CSMD2: variants seen among roughly 807,000 people sequenced by gnomAD.
CSMD2 encodes CUB and sushi domain-containing protein 2.
In CSMD2, 130 loss-of-function variants were observed where a neutral mutation model predicts 398.5. The ratio of observed to expected loss-of-function variants is 0.33; its 90% CI spans 0.28 to 0.38. The LOEUF (loss-of-function observed/expected upper bound fraction) is 0.38, where lower values mean the gene tolerates loss of function less well. Ranked by LOEUF, CSMD2 falls within the 10% of genes least tolerant of loss-of-function variation. CSMD2 has a pLI of 1.00. For missense variants in CSMD2, 3,829 were observed against 4,764.9 expected (o/e 0.80, Z 5.78); for synonymous variants, 1,828 against 1,908.5 (o/e 0.96, Z 1.10).
chr1:33,667,338 T>G (rs1429027171), intron 25 of CSMD2, among the ~76,000 whole-genome samples: 1 of 152,194 alleles, frequency 6.6e-6, no homozygotes, highest in African/African-American at 2.4e-5. Context: ...TATAAGGCAC[T>G]TTCACATTAG....
intron 9 of CSMD2, among the ~76,000 whole-genome samples, chr1:33,818,174 A>G (rs1657689646): frequency 6.6e-6 from 1 of 152,224 alleles, no homozygotes; most frequent in Non-Finnish European, 1.5e-5. Flanking sequence ...TTCTGAAACG[A>G]CAGATGGGCA....
intron 24 of CSMD2, 66 bp from the exon 25 acceptor site, chr1:33,693,122 C>T: frequency 6.6e-7 from 1 of 1,504,996 alleles, no homozygotes. Context: ...CACTCAGTGG[C>T]TCCTTTTGCC....
At chr1:33,716,655 A>C (rs1039556933) in intron 19 of CSMD2, among the ~76,000 whole-genome samples, 154 bp from the exon 20 acceptor site, 1 of 152,234 alleles carries the variant, frequency 6.6e-6, no homozygotes, top group South Asian at 2.1e-4. Flanking sequence ...GGTGAATCTG[A>C]ATGAAGGAAC....
chr1:33,700,495 C>A, intron 23 of CSMD2, 22 bp downstream of exon 23: 1 of 1,613,142 alleles, frequency 6.2e-7, no homozygotes, highest in South Asian at 1.1e-5. Flanking sequence ...TCCTTGTCCA[C>A]ACAGATGCAA....
intron 66 of CSMD2, 148 bp from the exon 67 acceptor site, chr1:33,523,567 T>G (rs988656248): frequency 1.7e-6 from 1 of 592,602 alleles, no homozygotes; most frequent in African/African-American, 1.9e-5. Flanking sequence ...AAGTCGTAAG[T>G]GTAGTGTTGA....
chr1:33,644,977 A>G (rs562429057), intron 29 of CSMD2, among the ~76,000 whole-genome samples: 53 of 152,302 alleles, frequency 3.5e-4, no homozygotes, highest in African/African-American at 1.3e-3. Context: ...GTACCCGACA[A>G]ACAGGAGATA....
At position 33,918,107 on chromosome 1, in the gene CSMD2, CT is replaced by C. The variant is rs1250203069; in HGVS notation, c.906del (p.Gly303AlafsTer49). On this transcript the variant is annotated frameshift_variant, in exon 5 of 71. Coordinates refer to ENST00000373381, the MANE Select transcript of CSMD2 (RefSeq NM_001281956.2). LOFTEE classifies it high-confidence loss of function. Reference protein sequence around the residue: ...GYDFLEVTGTEGSSLWFTGAS... With the variant: ...GYDFLEVTGTXGSSLWFTGAS... ...TGTTGTGCTTACCAGAGGGAGGAGC[CT>C]TCTGTCCCAGTGACTTCCAGAAAGT... The C allele has an allele frequency of 2.5e-6, 4 of 1,613,820 alleles. No homozygotes were observed. Among genetic ancestry groups the C allele is most frequent in the Non-Finnish European group, 3.4e-6 (4 of 1,179,994 alleles).
At chr1:33,791,044 A>G (rs1654243838) in intron 11 of CSMD2, among the ~76,000 whole-genome samples, 1 of 151,796 alleles carries the variant, frequency 6.6e-6, no homozygotes, top group South Asian at 2.1e-4. Flanking sequence ...CCTGTATAGC[A>G]TCATCTCCAG....
At chr1:33,934,610 G>A (rs1644411138) in intron 4 of CSMD2, among the ~76,000 whole-genome samples, 1 of 152,168 alleles carries the variant, frequency 6.6e-6, no homozygotes, top group African/African-American at 2.4e-5. Flanking sequence ...ATACGTATTG[G>A]AAGAAGATGG....
intron 4 of CSMD2, among the ~76,000 whole-genome samples, chr1:33,925,923 GT>G (rs1419865462): frequency 4.6e-5 from 7 of 151,942 alleles, no homozygotes; most frequent in Non-Finnish European, 1.0e-4. Flanking sequence ...TCCCTATCTC[GT>G]TGGGCCTGAC....
At chr1:33,824,723 A>C (rs949601843) in intron 7 of CSMD2, among the ~76,000 whole-genome samples, 6 of 152,244 alleles carry the variant, frequency 3.9e-5, no homozygotes, top group African/African-American at 1.4e-4. Context: ...GAAGACAAGC[A>C]GGGAGAGAAG....
At chr1:34,005,302 A>G in intron 3 of CSMD2, among the ~76,000 whole-genome samples, 1 of 152,212 alleles carries the variant, frequency 6.6e-6, no homozygotes, top group East Asian at 1.9e-4. Flanking sequence ...TTATGGGTGC[A>G]TCTGTGATAG....
At chr1:34,047,630 T>G (rs1193514394) in intron 2 of CSMD2, among the ~76,000 whole-genome samples, 1 of 152,038 alleles carries the variant, frequency 6.6e-6, no homozygotes, top group Admixed American at 6.6e-5. Context: ...AGATACACCA[T>G]AGGAGGTAAT....
chr1:33,619,500 A>C (rs1037292491), intron 37 of CSMD2, among the ~76,000 whole-genome samples: 6 of 152,192 alleles, frequency 3.9e-5, no homozygotes, highest in Admixed American at 2.6e-4. Flanking sequence ...TGATAACTAC[A>C]TGTGCTTTTT....
In CSMD2 at chr1:33,801,501, G is replaced by A. The variant is rs902372662; in HGVS notation, c.1447-8975C>T. The stretch of plus-strand genomic sequence containing the variant: ...TGGGATGGGCAGAACCATCCCAGAG[G>A]AGCTCCTCCTCCAACAGTCACTCAC... On this transcript the variant is annotated intron_variant, in intron 10 of 70. Transcript: ENST00000373381. Among the ~76,000 whole-genome samples the A allele has an allele frequency of 2.6e-5, 4 of 152,234 alleles. No individual in the cohort carries two copies. In the East Asian group the frequency reaches 7.7e-4, roughly 29 times the overall value.
intron 6 of CSMD2, among the ~76,000 whole-genome samples, chr1:33,833,185 A>C (rs1659812094): frequency 8.0e-6 from 1 of 124,602 alleles, no homozygotes. Flanking sequence ...AAAGCCGGGC[A>C]GAGACACAAT....
At chr1:33,757,366 C>T (rs1237578797) in intron 13 of CSMD2, among the ~76,000 whole-genome samples, 1 of 152,088 alleles carries the variant, frequency 6.6e-6, no homozygotes, top group African/African-American at 2.4e-5. Flanking sequence ...AAAACATGTC[C>T]ACAATTGAAC....
Position 33,542,790 on chromosome 1 carries a change from G to A in CSMD2, c.9207C>T (p.Tyr3069=), listed in dbSNP as rs577622122. ...AGTGACGGCTGAGCAGGCCTGTGGC[G>A]TAGTATCCTTCCCGGCACTCATAGA... ...SIVYECREGY[Y]ATGLLSRHCS... is the part of the protein sequence containing the mutation. The change falls in exon 58 of 71, where the codon TAC becomes TAT. Residue 3069 remains tyrosine, a synonymous_variant. Transcript: ENST00000373381. 1.1e-4 allele frequency: 179 copies of A among 1,614,132 alleles called. 1 individual carries two copies. Among genetic ancestry groups the A allele is most frequent in the South Asian group, 4.7e-4 (43 of 91,068 alleles).
intron 5 of CSMD2, among the ~76,000 whole-genome samples, chr1:33,908,716 T>C (rs60395894): frequency 0.03 from 4,574 of 152,362 alleles, 268 homozygotes; most frequent in African/African-American, 0.1. Flanking sequence ...GGAAGTCACA[T>C]TGATACTCCA....
Sources: gnomAD v4.1 joint callset for allele counts (sites outside exome capture counted in the v4.1 genomes callset) on GRCh38, gnomAD v4.1.1 for gene constraint, MANE v1.5 for transcripts, NCBI Gene and HGNC (gene_info 2026-07-23, HGNC 2026-07-21) for gene names.